PAK6: variants seen among roughly 807,000 people sequenced by gnomAD.
The protein encoded by PAK6 is p21 (RAC1) activated kinase 6.
Under a neutral mutation model 60.8 loss-of-function variants are expected in PAK6, and 33 were observed. The ratio of observed to expected loss-of-function variants is 0.54; its 90% CI spans 0.41 to 0.73. The LOEUF (loss-of-function observed/expected upper bound fraction) is 0.73. Among genes scored for constraint, PAK6 ranks in the 30% least tolerant of loss-of-function variants. The pLI is 0.00. For synonymous variants in PAK6, 404 were observed against 378.5 expected (o/e 1.07, Z -0.78); for missense variants, 845 against 904.1 (o/e 0.93, Z 0.84).
At chr15:40,275,941 G>C in exon 11 of PAK6, 1 of 1,613,028 alleles carries the variant, frequency 6.2e-7, no homozygotes. Context: ...CCCCAGTGCT[G>C]CGAGACTTCC....
rs1164295928 is a variant in PAK6 at position 40,273,054 on chromosome 15, G to T, written c.1490+55G>T. On this transcript the variant is annotated intron_variant, in intron 7 of 10. Coordinates refer to ENST00000560346, the Ensembl canonical transcript of PAK6. ...TGCAGGCTGCCCTCACCATGGCCCT[G>T]CCAGGGCAATGTGGTCTTCTGCCTG... 8 of 1,595,330 alleles carry T rather than the reference G, an allele frequency of 5.0e-6. No homozygotes were observed. The Admixed American group carries it at 1.2e-4, about 24-fold the overall frequency.
rs374039552 is a variant in PAK6 at position 40,273,694 on chromosome 15, C to T, written c.1743+18C>T. 2 of 1,609,236 alleles carry T rather than the reference C, an allele frequency of 1.2e-6. No individual in the cohort carries two copies. The highest frequency in any genetic ancestry group is 3.4e-5 in the Admixed American group (2 of 59,390). On this transcript the variant is annotated intron_variant, in intron 9 of 10. Coordinates refer to ENST00000560346, the Ensembl canonical transcript of PAK6. ...CCACTGAGGTAACCGTTCCCTCCAC[C>T]CCCCAGACCTCCCAAAAGCAACTTG...
exon 5 of PAK6, chr15:40,265,965 C>T (rs576083093): frequency 3.7e-5 from 60 of 1,604,264 alleles, no homozygotes; most frequent in Non-Finnish European, 3.3e-5. Context: ...CAGCCGGCGG[C>T]GGGCACAGTC....
intron 3 of PAK6, among the ~76,000 whole-genome samples, chr15:40,262,416 A>G (rs531573512): frequency 3.0e-4 from 46 of 152,186 alleles, no homozygotes; most frequent in Non-Finnish European, 6.2e-4. Context: ...AGGCAAGAGA[A>G]TCACTTGAAC....
At chr15:40,245,179 G>C (rs934870890) in intron 2 of PAK6, 1 of 152,364 alleles carries the variant, frequency 6.6e-6, no homozygotes, top group African/African-American at 2.4e-5. Context: ...CAAGGACCTG[G>C]TGAGGGATCC....
intron 3 of PAK6, among the ~76,000 whole-genome samples, chr15:40,254,423 C>A (rs2038780761): frequency 6.6e-6 from 1 of 152,120 alleles, no homozygotes; most frequent in Non-Finnish European, 1.5e-5. Flanking sequence ...TAGTGAGAGA[C>A]CCTAATTCAG....
intron 3 of PAK6, chr15:40,264,002 A>G (rs2039052814): frequency 2.2e-6 from 1 of 453,842 alleles, no homozygotes; most frequent in Non-Finnish European, 4.4e-6. Context: ...GGAGAGCTTT[A>G]CCCCTAAGTT....
At chr15:40,266,244 C>A in exon 5 of PAK6, 2 of 1,610,456 alleles carry the variant, frequency 1.2e-6, no homozygotes, top group Middle Eastern at 1.7e-4. Flanking sequence ...GCAGAGCTCC[C>A]CACCAGGAGC....
intron 3 of PAK6, among the ~76,000 whole-genome samples, chr15:40,263,277 A>G (rs1045777775): frequency 6.6e-6 from 1 of 152,336 alleles, no homozygotes; most frequent in East Asian, 1.9e-4. Flanking sequence ...TTCAAGAATC[A>G]TGTTTCAGTT....
intron 2 of PAK6, 137 bp downstream of exon 2, chr15:40,240,818 C>A: frequency 6.1e-6 from 2 of 328,586 alleles, no homozygotes; most frequent in Non-Finnish European, 1.2e-5. Flanking sequence ...GGGCTCCACT[C>A]CCCACCCGGC....
intron 5 of PAK6, 94 bp downstream of exon 5, chr15:40,266,589 G>C (rs2039145175): frequency 1.1e-5 from 14 of 1,295,562 alleles, no homozygotes; most frequent in Non-Finnish European, 1.5e-5. Context: ...CTGGCAAAGA[G>C]GCTCCCTGGA....
intron 2 of PAK6, among the ~76,000 whole-genome samples, chr15:40,242,132 G>T (rs2038369908): frequency 6.6e-6 from 1 of 152,164 alleles, no homozygotes; most frequent in Non-Finnish European, 1.5e-5. Flanking sequence ...GCCAGGGCAG[G>T]CTGAGCAGGA....
intron 5 of PAK6, 183 bp downstream of exon 5, chr15:40,266,678 C>T: frequency 1.9e-6 from 1 of 521,628 alleles, no homozygotes; most frequent in South Asian, 3.2e-5. Context: ...CCTTCCCTCC[C>T]TTCCTTTCCT....
intron 2 of PAK6, among the ~76,000 whole-genome samples, chr15:40,242,032 G>A (rs2038366765): frequency 7.6e-6 from 1 of 131,692 alleles, no homozygotes; most frequent in Non-Finnish European, 1.9e-5. Flanking sequence ...TGCCCAGTTG[G>A]GGTCAGAGGG....
At chr15:40,253,609 ATT>A (rs2038752120) in intron 3 of PAK6, among the ~76,000 whole-genome samples, 1 of 152,180 alleles carries the variant, frequency 6.6e-6, no homozygotes, top group Non-Finnish European at 1.5e-5. Flanking sequence ...AGTGCAGGGA[ATT>A]CATGCCGGGG....
chr15:40,255,276 C>T (rs772075822), intron 3 of PAK6, among the ~76,000 whole-genome samples: 20 of 152,226 alleles, frequency 1.3e-4, no homozygotes, highest in Non-Finnish European at 2.2e-4. Flanking sequence ...TTCTTTTAAA[C>T]AGCAGCCCAT....
At chr15:40,263,559 T>C (rs1183775472) in intron 3 of PAK6, among the ~76,000 whole-genome samples, 1 of 152,198 alleles carries the variant, frequency 6.6e-6, no homozygotes, top group African/African-American at 2.4e-5. Flanking sequence ...AGCACGACCT[T>C]AGGCAAAGCC....
At chr15:40,252,122 G>C in intron 2 of PAK6, 1 of 423,392 alleles carries the variant, frequency 2.4e-6, no homozygotes, top group Non-Finnish European at 4.0e-6. Context: ...CTGTCCACAT[G>C]GGACAGATCA....
chr15:40,256,049 T>C (rs2038824822), intron 3 of PAK6, among the ~76,000 whole-genome samples: 1 of 152,028 alleles, frequency 6.6e-6, no homozygotes. Context: ...AATAGATACT[T>C]TCTGAATAAA....
Sources: allele counts gnomAD v4.1 joint callset (sites outside exome capture counted in the v4.1 genomes callset), GRCh38; gene constraint gnomAD v4.1.1; transcripts MANE v1.5; gene names NCBI Gene and HGNC (gene_info 2026-07-23, HGNC 2026-07-21).